NARS2: variants seen among roughly 807,000 people sequenced by gnomAD.
The protein encoded by NARS2 is asparaginyl-tRNA synthetase.
NARS2 carries 60 observed loss-of-function variants against 62.9 expected under a neutral mutation model. That is an observed-to-expected ratio of 0.95 (90% CI 0.77 to 1.18). The LOEUF (loss-of-function observed/expected upper bound fraction) is 1.18. Ranked by LOEUF, NARS2 falls within the 50% of genes most tolerant of loss-of-function variation. NARS2 has a pLI of 0.00. For missense variants in NARS2, 619 were observed against 576.4 expected (o/e 1.07, Z -0.76); for synonymous variants, 196 against 200.0 (o/e 0.98, Z 0.17).
chr11:78,441,397 T>C (rs1023865763), intron 12 of NARS2, among the ~76,000 whole-genome samples: 5 of 152,146 alleles, frequency 3.3e-5, no homozygotes, highest in African/African-American at 4.8e-5. Flanking sequence ...GATGAGTTTA[T>C]TATCCTGTGA....
chr11:78,498,671 CTTTT>C (rs56691152), intron 6 of NARS2, among the ~76,000 whole-genome samples: 2 of 141,530 alleles, frequency 1.4e-5, no homozygotes, highest in Admixed American at 7.0e-5. Flanking sequence ...CCAATACGCT[CTTTT>C]TTTTTTTTTT....
intron 11 of NARS2, among the ~76,000 whole-genome samples, chr11:78,445,377 T>C (rs991649691): frequency 5.9e-5 from 9 of 152,244 alleles, no homozygotes; most frequent in African/African-American, 4.8e-5. Context: ...TCCCAATACT[T>C]TGGGAGGCCG....
At chr11:78,567,559 AC>A (rs1232878882) in intron 3 of NARS2, among the ~76,000 whole-genome samples, 2 of 152,234 alleles carry the variant, frequency 1.3e-5, no homozygotes, top group Non-Finnish European at 2.9e-5. Flanking sequence ...TCTAAAAAAA[AC>A]AAAAAGAAAA....
In NARS2 at chr11:78,437,974, C is replaced by CAAA. The variant is rs11380903; in HGVS notation, c.1290-1163_1290-1161dup. On this transcript the variant is annotated intron_variant, in intron 13 of 13. Coordinates refer to ENST00000281038, the MANE Select transcript of NARS2 (RefSeq NM_024678.6). ...TGGGTGACAGAGTGAGATTCTGTATCAAAAAAAAAAAAAAGAAAGAAAAAA... is the reference window on the plus strand; with the variant it reads ...TGGGTGACAGAGTGAGATTCTGTATCAAAAAAAAAAAAAAAAAGAAAGAAAAAA... 9.7e-3 allele frequency among the ~76,000 whole-genome samples: 1,127 copies of CAAA among 116,568 alleles called. 34 individuals are homozygous for CAAA. The highest frequency in any genetic ancestry group is 0.036 in the African/African-American group (1,090 of 29,970). The allele number at this position is 116,568 out of a possible 152,430, so 76.5% of individuals were successfully genotyped here.
intron 2 of NARS2, among the ~76,000 whole-genome samples, chr11:78,568,999 T>C (rs566099016): frequency 2.0e-5 from 3 of 152,274 alleles, no homozygotes; most frequent in African/African-American, 4.8e-5. Context: ...AATTAAGAGG[T>C]TGTACAATTG....
chr11:78,571,192 C>G (rs1381720578), intron 2 of NARS2, 143 bp downstream of exon 2: 4 of 591,250 alleles, frequency 6.8e-6, no homozygotes, highest in Non-Finnish European at 1.2e-5. Context: ...TCCAAATATT[C>G]GGAGTTGATC....
chr11:78,574,348 C>G lies in NARS2; in HGVS notation c.141G>C (p.Gln47His). Residue 47 changes from glutamine (Q) to histidine (H), a missense_variant and splice_region_variant, in exon 1 of 14, where the codon CAG (glutamine) becomes CAC (histidine). By Grantham distance (24) the Gln-to-His change is conservative. Coordinates refer to ENST00000281038, the MANE Select transcript of NARS2 (RefSeq NM_024678.6). The part of the protein sequence containing the change: ...QNASGERIKI[Q>H]GWIRSVRSQK... The stretch of plus-strand genomic sequence containing the variant: ...ACCCACTCCCTTCCCATTCACCAAC[C>G]TGGATCTTAATGCGCTCCCCACTCG... 1.9e-6 allele frequency: 3 copies of G among 1,614,228 alleles called. No individual in the cohort carries two copies. The highest frequency in any genetic ancestry group is 2.5e-6 in the Non-Finnish European group (3 of 1,180,042).
intron 9 of NARS2, among the ~76,000 whole-genome samples, chr11:78,473,678 G>A (rs1858969537): frequency 6.6e-6 from 1 of 152,184 alleles, no homozygotes; most frequent in South Asian, 2.1e-4. Flanking sequence ...TCTCAATGAA[G>A]ACTATTTCTG....
At chr11:78,507,741 G>A (rs1259293356) in intron 6 of NARS2, among the ~76,000 whole-genome samples, 3 of 151,888 alleles carry the variant, frequency 2.0e-5, no homozygotes, top group Admixed American at 6.6e-5. Context: ...GGATGGTCTC[G>A]ATCTCCTGAC....
intron 11 of NARS2, among the ~76,000 whole-genome samples, chr11:78,460,243 T>C (rs1409153738): frequency 1.3e-5 from 2 of 151,470 alleles, no homozygotes; most frequent in Non-Finnish European, 2.9e-5. Flanking sequence ...TGAATGGCTT[T>C]AAGAAGAGTG....
intron 11 of NARS2, among the ~76,000 whole-genome samples, chr11:78,458,628 G>A (rs756881622): frequency 2.0e-5 from 3 of 152,194 alleles, no homozygotes; most frequent in East Asian, 1.9e-4. Flanking sequence ...CTCACTACTC[G>A]TCGACAGTGT....
intron 6 of NARS2, among the ~76,000 whole-genome samples, chr11:78,517,110 T>C (rs1163414140): frequency 6.6e-6 from 1 of 152,060 alleles, no homozygotes; most frequent in East Asian, 1.9e-4. Context: ...GGATGATGTG[T>C]GAAATGGGAT....
intron 6 of NARS2, among the ~76,000 whole-genome samples, chr11:78,524,654 T>G (rs1024882420): frequency 4.0e-5 from 6 of 151,842 alleles, no homozygotes; most frequent in Admixed American, 6.6e-5. Context: ...ATAAGCAAAA[T>G]GCAATGAAAA....
intron 7 of NARS2, among the ~76,000 whole-genome samples, chr11:78,492,398 G>T (rs1475374579): frequency 1.3e-5 from 2 of 152,088 alleles, no homozygotes; most frequent in African/African-American, 2.4e-5. Flanking sequence ...TCATATTGCT[G>T]CTAAAAAGAT....
At chr11:78,512,704 C>T (rs1007669074) in intron 6 of NARS2, among the ~76,000 whole-genome samples, 1 of 152,182 alleles carries the variant, frequency 6.6e-6, no homozygotes, top group African/African-American at 2.4e-5. Context: ...ATCTTAGTAG[C>T]TACTTCATTC....
intron 6 of NARS2, among the ~76,000 whole-genome samples, chr11:78,521,667 G>C (rs1387159753): frequency 6.6e-6 from 1 of 150,806 alleles, no homozygotes; most frequent in African/African-American, 2.4e-5. Flanking sequence ...GCGGGTGCCT[G>C]TAGTCCCAGC....
intron 5 of NARS2, among the ~76,000 whole-genome samples, chr11:78,544,724 A>G (rs11237538): frequency 0.69 from 102,750 of 149,372 alleles, 37,018 homozygotes; most frequent in Non-Finnish European, 0.81. Context: ...AACCTGGGAG[A>G]CGGAGTTTGC....
chr11:78,443,620 C>A (rs1322667188), intron 12 of NARS2, 41 bp downstream of exon 12: 1 of 1,480,596 alleles, frequency 6.8e-7, no homozygotes, highest in Non-Finnish European at 9.4e-7. Flanking sequence ...GCGCCTTATG[C>A]TCAATTTCTC....
chr11:78,539,251 A>C (rs1855517017), intron 5 of NARS2, among the ~76,000 whole-genome samples: 1 of 151,990 alleles, frequency 6.6e-6, no homozygotes, highest in African/African-American at 2.4e-5. Flanking sequence ...GAGTAGCTTG[A>C]ATTAAACTGG....
Sources: allele counts gnomAD v4.1 joint callset (sites outside exome capture counted in the v4.1 genomes callset), GRCh38; gene constraint gnomAD v4.1.1; transcripts MANE v1.5; gene names NCBI Gene and HGNC (gene_info 2026-07-23, HGNC 2026-07-21).